The following CIT variants were observed in gnomAD, a reference collection of about 807,000 sequenced individuals.
CIT encodes the protein citron rho-interacting serine/threonine kinase.
A neutral mutation model predicts 272.7 loss-of-function variants in CIT; 79 were observed. The ratio of observed to expected loss-of-function variants is 0.29; its 90% CI spans 0.24 to 0.35. The LOEUF (loss-of-function observed/expected upper bound fraction) is 0.35. Among genes scored for constraint, CIT ranks in the 10% least tolerant of loss-of-function variants. The pLI, the probability that CIT is intolerant of heterozygous loss-of-function variation, is 1.00. For missense variants in CIT, 1,909 were observed against 2,618.3 expected, an observed-to-expected ratio of 0.73 and a Z score of 5.91; for synonymous variants, 948 against 995.6, an observed-to-expected ratio of 0.95 and a Z score of 0.90.
In CIT at chr12:119,718,456, G is replaced by A; in HGVS notation, c.4004-47C>T. Reference sequence around the variant, plus strand: ...GCCTTTTGGTTAGCTGGGTCGCCTAGAGGACCAAACTAAGCCGAATGTCCC... The same window carrying A: ...GCCTTTTGGTTAGCTGGGTCGCCTAAAGGACCAAACTAAGCCGAATGTCCC... On this transcript the variant is annotated intron_variant, in intron 31 of 47. Coordinates refer to ENST00000392521, the MANE Select transcript of CIT (RefSeq NM_001206999.2). The surrounding 1 kb of genome is among the most constrained non-coding windows in gnomAD (Gnocchi z 4.8). 1 of 1,569,216 alleles carries A rather than the reference G, an allele frequency of 6.4e-7. No individual in the cohort carries two copies. Among genetic ancestry groups the A allele is most frequent in the Non-Finnish European group, 8.7e-7 (1 of 1,155,242 alleles).
intron 10 of CIT, among the ~76,000 whole-genome samples, chr12:119,792,891 G>A (rs990208957): frequency 1.8e-4 from 28 of 152,188 alleles, no homozygotes; most frequent in African/African-American, 6.3e-4. Context: ...GAACCTGGGA[G>A]GCGGAGGTTG....
At chr12:119,726,385 ATTTTTTTTTTTTT>A (rs3999547) in intron 28 of CIT, among the ~76,000 whole-genome samples, 8 of 101,418 alleles carry the variant, frequency 7.9e-5, no homozygotes, top group Non-Finnish European at 1.1e-4. Flanking sequence ...CACTTGGCTA[ATTTTTTTTTTTTT>A]TTTTTTTTTT....
At chr12:119,776,993 G>A (rs1410098339) in intron 13 of CIT, 151 bp from the exon 14 acceptor site, 23 of 817,888 alleles carry the variant, frequency 2.8e-5, no homozygotes, top group East Asian at 8.0e-5. Flanking sequence ...AGTGGCTCAC[G>A]CCTGTAATCC....
chr12:119,748,265 C>CG (rs1959731157), intron 23 of CIT, among the ~76,000 whole-genome samples: 1 of 152,148 alleles, frequency 6.6e-6, no homozygotes, highest in Non-Finnish European at 1.5e-5. Flanking sequence ...AAAATGTGGA[C>CG]GGACAGGTTG....
chr12:119,729,862 C>A (rs1445847423), intron 27 of CIT, among the ~76,000 whole-genome samples: 1 of 152,116 alleles, frequency 6.6e-6, no homozygotes, highest in African/African-American at 2.4e-5. Context: ...TCTGTGTGTT[C>A]ATACATAAAA....
intron 4 of CIT, among the ~76,000 whole-genome samples, chr12:119,851,269 T>C (rs563232238): frequency 6.6e-6 from 1 of 152,184 alleles, no homozygotes; most frequent in South Asian, 2.1e-4. Context: ...GTAATGTATA[T>C]GTGTGTGTGT....
At chr12:119,856,161 T>C (rs181022159) in intron 4 of CIT, among the ~76,000 whole-genome samples, 74 of 152,288 alleles carry the variant, frequency 4.9e-4, no homozygotes, top group Middle Eastern at 3.4e-3. Context: ...CACAAAGTCA[T>C]TGAAGTCCAC....
intron 46 of CIT, among the ~76,000 whole-genome samples, chr12:119,695,873 C>A (rs944303222): frequency 6.6e-6 from 1 of 152,192 alleles, no homozygotes; most frequent in African/African-American, 2.4e-5. Context: ...CTTATAACAC[C>A]TAATACAATG....
chr12:119,771,521 G>C (rs1174413824), intron 17 of CIT, among the ~76,000 whole-genome samples: 1 of 152,164 alleles, frequency 6.6e-6, no homozygotes, highest in Non-Finnish European at 1.5e-5. Flanking sequence ...TTAAGGGGAA[G>C]GGCAGGTGAA....
rs549995048 is a variant in CIT at position 119,785,645 on chromosome 12, C to A, written c.1296-580G>T. Among the ~76,000 whole-genome samples the A allele has an allele frequency of 3.9e-5, 6 of 152,156 alleles. No individual in the cohort carries two copies. In the East Asian group the frequency reaches 9.7e-4, roughly 24 times the overall value. On this transcript the variant is annotated intron_variant, in intron 10 of 47. Coordinates refer to ENST00000392521, the MANE Select transcript of CIT (RefSeq NM_001206999.2). ...GTGGTGCAACCTCGGCTCACTGCAA[C>A]CTCGGCTCACTGCAACCTCCACCTC...
At chr12:119,853,384 T>C (rs1163835742) in intron 4 of CIT, among the ~76,000 whole-genome samples, 1 of 151,824 alleles carries the variant, frequency 6.6e-6, no homozygotes, top group East Asian at 1.9e-4. Flanking sequence ...AAATAAAAAA[T>C]TGTTTAGGTT....
At chr12:119,742,105 GC>G (rs1465113394) in intron 24 of CIT, among the ~76,000 whole-genome samples, 1 of 152,180 alleles carries the variant, frequency 6.6e-6, no homozygotes, top group Non-Finnish European at 1.5e-5. Context: ...AGGTGGAACT[GC>G]CTTGGGATTT....
At chr12:119,751,960 C>G in intron 23 of CIT, 90 bp downstream of exon 23, 1 of 1,177,958 alleles carries the variant, frequency 8.5e-7, no homozygotes. Flanking sequence ...CCTGGAATTT[C>G]TAAGGGTGAG....
At chr12:119,790,908 G>C (rs1251949600) in intron 10 of CIT, among the ~76,000 whole-genome samples, 1 of 152,224 alleles carries the variant, frequency 6.6e-6, no homozygotes, top group Non-Finnish European at 1.5e-5. Context: ...ATCTAGGAGA[G>C]AGAATTAATG....
chr12:119,808,789 T>G (rs575169846), intron 9 of CIT, among the ~76,000 whole-genome samples: 1 of 152,216 alleles, frequency 6.6e-6, no homozygotes, highest in Non-Finnish European at 1.5e-5. Flanking sequence ...ATTGACTAAT[T>G]AGACACTATG....
chr12:119,738,021 T>C (rs1958869900), intron 24 of CIT, among the ~76,000 whole-genome samples: 1 of 152,198 alleles, frequency 6.6e-6, no homozygotes, highest in Admixed American at 6.5e-5. Flanking sequence ...CAACAGGCAA[T>C]GTTCACTACT....
At position 119,728,421 on chromosome 12, in the gene CIT, T is replaced by C. The variant is rs1008922474; in HGVS notation, c.3591+81A>G. On this transcript the variant is annotated intron_variant, in intron 28 of 47. Transcript: ENST00000392521. This position sits in a 1 kb window ranked among gnomAD's most constrained non-coding sequence, Gnocchi z 4.3. The stretch of plus-strand genomic sequence containing the variant: ...TTTCTGCTCAATTTTGCTGTGAACC[T>C]AAAGCTGCTCCAAAAAAAAGAAGCC... 4.8e-6 allele frequency: 4 copies of C among 840,942 alleles called. No individual in the cohort carries two copies. The African/African-American group carries it at 6.8e-5, about 14-fold the overall frequency. 52.1% of individuals were successfully genotyped at this position (840,942 alleles called of 1,614,324 possible).
chr12:119,718,825 G>T lies in CIT; in HGVS notation c.3877C>A (p.Pro1293Thr). The change falls in exon 31 of 48, where the codon CCC (proline) becomes ACC (threonine). Residue 1293 changes from proline (P) to threonine (T), a missense_variant. This residue lies in a region of CIT where 780 missense variants were observed against 1,067.2 expected (regional missense o/e 0.73). Transcript: ENST00000392521. The surrounding 1 kb of genome is among the most constrained non-coding windows in gnomAD (Gnocchi z 4.8). ...FSRRKEDPAL[P>T]TQVPLQYNEL... ...TTGTACTGCAGAGGAACCTGTGTGG[G>T]TAAAGCAGGGTCCTCTTTCCGTCGA... 1 of 1,614,166 alleles carries T rather than the reference G, an allele frequency of 6.2e-7. No homozygotes were observed. The highest frequency in any genetic ancestry group is 8.5e-7 in the Non-Finnish European group (1 of 1,180,016).
At chr12:119,789,085 C>T (rs1469278510) in intron 10 of CIT, among the ~76,000 whole-genome samples, 1 of 152,124 alleles carries the variant, frequency 6.6e-6, no homozygotes, top group Non-Finnish European at 1.5e-5. Flanking sequence ...ACTTGGAGAC[C>T]TTTTAAAAAA....
Sources: gnomAD v4.1 joint callset for allele counts (sites outside exome capture counted in the v4.1 genomes callset) on GRCh38, gnomAD v4.1.1 for gene constraint, gnomAD v4.1.1 regional missense constraint, Gnocchi (gnomAD v3.1) non-coding constraint, MANE v1.5 for transcripts, NCBI Gene and HGNC (gene_info 2026-07-23, HGNC 2026-07-21) for gene names.